Variants in MDH1B observed in about 807,000 individuals in gnomAD.
MDH1B encodes putative malate dehydrogenase 1B.
Under a neutral mutation model 61.4 loss-of-function variants are expected in MDH1B, and 60 were observed. The observed-to-expected ratio is 0.98, with a 90% CI of 0.79 to 1.21. The LOEUF (loss-of-function observed/expected upper bound fraction) is 1.21. Ranked by LOEUF, MDH1B falls within the 50% of genes most tolerant of loss-of-function variation. The probability of loss-of-function intolerance (pLI) is 0.00; values close to 1 mark genes in which losing one functional copy is unlikely to be tolerated. For synonymous variants in MDH1B, 236 were observed against 218.7 expected, an observed-to-expected ratio of 1.08 and a Z score of -0.70; for missense variants, 587 against 632.1, an observed-to-expected ratio of 0.93 and a Z score of 0.76.
At chr2:206,740,300 C>T (rs1276943352) in intron 10 of MDH1B, among the ~76,000 whole-genome samples, 1 of 152,108 alleles carries the variant, frequency 6.6e-6, no homozygotes, top group Non-Finnish European at 1.5e-5. Context: ...GTATCACATA[C>T]TGCATTCTAA....
intron 9 of MDH1B, 173 bp from the exon 10 acceptor site, chr2:206,741,277 C>CA (rs755524281): frequency 8.9e-6 from 7 of 785,678 alleles, no homozygotes; most frequent in Admixed American, 4.7e-5. Flanking sequence ...ATTAATGAAA[C>CA]AAAAAAATAC....
chr2:206,753,586 C>T (rs1466599521), intron 5 of MDH1B, among the ~76,000 whole-genome samples: 1 of 152,186 alleles, frequency 6.6e-6, no homozygotes, highest in Non-Finnish European at 1.5e-5. Context: ...GTTTGCCACC[C>T]TCTTGGCATC....
At position 206,757,367 on chromosome 2, in the gene MDH1B, C is replaced by T. The variant is rs779337572; in HGVS notation, c.140G>A (p.Trp47Ter). Residue 47 changes from tryptophan (W) to a stop codon, truncating the protein, a stop_gained, in exon 3 of 12, where the codon TGG (tryptophan) becomes TAG (stop). Transcript: ENST00000374412. LOFTEE classifies it high-confidence loss of function. ...ITQRPEVWED[W>*]LKDVCEKNKW... ...ATTCTTTTCACACACATCTTTTAGC[C>T]AATCCTGTTGAATGATATCCCAAGT... The T allele has an allele frequency of 6.2e-7, 1 of 1,612,430 alleles. No homozygotes were observed. Among genetic ancestry groups the T allele is most frequent in the Non-Finnish European group, 8.5e-7 (1 of 1,179,650 alleles).
chr2:206,756,476 A>G (rs1257862839), intron 4 of MDH1B: 4 of 163,068 alleles, frequency 2.5e-5, no homozygotes, highest in Non-Finnish European at 5.3e-5. Context: ...GACTGGGAGC[A>G]AAGTGGAGCA....
rs1267626248 is a variant in MDH1B at position 206,745,755 on chromosome 2, C to T, written c.1357-82G>A. ...CTTTTTTTTTTTTTTTTTTTTGAGA[C>T]AGAGTTTCACTCTTGTTGCCCAGGC... On this transcript the variant is annotated intron_variant, in intron 8 of 11. Coordinates refer to ENST00000374412, the MANE Select transcript of MDH1B (RefSeq NM_001039845.3). The T allele has an allele frequency of 1.9e-5, 17 of 885,334 alleles. 1 individual carries two copies. The South Asian group carries it at 2.2e-4, about 11-fold the overall frequency. The allele number at this position is 885,334 out of a possible 1,614,324, so 54.8% of individuals were successfully genotyped here. A position where few individuals can be genotyped will look rare whatever the true frequency, so the allele number is the denominator to read the frequency against.
At chr2:206,757,625 T>C (rs185333724) in intron 2 of MDH1B, among the ~76,000 whole-genome samples, 2 of 152,334 alleles carry the variant, frequency 1.3e-5, no homozygotes, top group Admixed American at 1.3e-4. Flanking sequence ...CTCTTTTTGC[T>C]GAGGAGACCT....
intron 4 of MDH1B, among the ~76,000 whole-genome samples, chr2:206,755,914 A>C (rs1688733336): frequency 6.9e-6 from 1 of 145,924 alleles, no homozygotes. Flanking sequence ...CACAATAATG[A>C]CTTTTTTTTT....
chr2:206,757,296 C>T lies in MDH1B; in HGVS notation c.211G>A (p.Asp71Asn), dbSNP rs1253812245. The T allele has an allele frequency of 7.4e-6, 12 of 1,613,846 alleles. No homozygotes were observed. ...NSPIIWRELL[D>N]RGGKGLLLGG... is the part of the protein sequence containing the mutation. The stretch of plus-strand genomic sequence containing the variant: ...AAAAGCAAACCCTTTCCTCCACGAT[C>T]CAACAGCTCTCTCCAGATGATAGGG... Residue 71 changes from aspartate to asparagine, a missense_variant, in exon 3 of 12, where the codon GAT (aspartate) becomes AAT (asparagine). Transcript: ENST00000374412.
Position 206,747,099 on chromosome 2 carries a change from C to T in MDH1B, c.1217-673G>A, listed in dbSNP as rs190838594. Reference sequence around the variant, plus strand: ...ACAAAATTGTCCCCGTTTCTGGTGCCTCGATCACATAAGAAAATTATTTCT... The same window carrying T: ...ACAAAATTGTCCCCGTTTCTGGTGCTTCGATCACATAAGAAAATTATTTCT... On this transcript the variant is annotated intron_variant, in intron 7 of 11. Coordinates refer to ENST00000374412, the MANE Select transcript of MDH1B (RefSeq NM_001039845.3). Among the ~76,000 whole-genome samples the T allele has an allele frequency of 2.6e-5, 4 of 152,066 alleles. No individual in the cohort carries two copies. In the East Asian group the frequency reaches 5.8e-4, roughly 22 times the overall value.
rs560888236 is a variant in MDH1B, at chr2:206,756,918, G to A, written c.393C>T (p.Pro131=). The change falls in exon 4 of 12, where the codon CCC becomes CCT. Residue 131 remains proline, a synonymous_variant. Coordinates refer to ENST00000374412, the MANE Select transcript of MDH1B (RefSeq NM_001039845.3). ...EEEALKTCIN[P]LQVWITSASA... ...CCCACCTGGTGATCCAGACCTGCAA[G>A]GGGTTGATGCAAGTTTTCAGGGCTT... 107 of 1,614,156 alleles carry A rather than the reference G, an allele frequency of 6.6e-5. No homozygotes were observed. The South Asian group carries it at 1.1e-3, about 17-fold the overall frequency.
chr2:206,741,417 A>G, intron 9 of MDH1B: 1 of 366,162 alleles, frequency 2.7e-6, no homozygotes, highest in Non-Finnish European at 5.2e-6. Context: ...TTAACATTTG[A>G]GTCAGTGGGC....
intron 5 of MDH1B, among the ~76,000 whole-genome samples, chr2:206,754,565 T>C (rs1028606042): frequency 2.0e-5 from 3 of 152,196 alleles, no homozygotes; most frequent in African/African-American, 4.8e-5. Flanking sequence ...TTCTAGGAGA[T>C]AGGCACTGTT....
In MDH1B at chr2:206,739,842, A is replaced by G. The variant is rs148608479; in HGVS notation, c.1460-181T>C. 3.6e-3 allele frequency among the ~76,000 whole-genome samples: 550 copies of G among 152,300 alleles called. 1 individual carries two copies. The highest frequency in any genetic ancestry group is 0.013 in the African/African-American group (523 of 41,562). ...AAGTCTCAACCATTGATGATGACTT[A>G]TCTATGTCCTGAGTGGACAATATGA... On this transcript the variant is annotated intron_variant, in intron 10 of 11. Coordinates refer to ENST00000374412, the MANE Select transcript of MDH1B (RefSeq NM_001039845.3).
intron 1 of MDH1B, among the ~76,000 whole-genome samples, chr2:206,762,825 C>T (rs567654727): frequency 1.3e-5 from 2 of 152,310 alleles, no homozygotes; most frequent in South Asian, 4.1e-4. Flanking sequence ...ACCACTGCCC[C>T]CTTCCAGGCT....
intron 2 of MDH1B, among the ~76,000 whole-genome samples, chr2:206,759,626 A>G (rs1688975214): frequency 6.6e-6 from 1 of 152,212 alleles, no homozygotes; most frequent in African/African-American, 2.4e-5. Flanking sequence ...AATAATAGTC[A>G]TTCTGACGGG....
intron 1 of MDH1B, 128 bp downstream of exon 1, chr2:206,765,122 A>T (rs28365797): frequency 0.22 from 262,694 of 1,213,946 alleles, 36,135 homozygotes; most frequent in East Asian, 0.67. Flanking sequence ...GTCCAGTAAA[A>T]AACTTTGAAT....
chr2:206,738,656 G>A, intron 11 of MDH1B, 145 bp from the exon 12 acceptor site: 1 of 535,698 alleles, frequency 1.9e-6, no homozygotes, highest in Non-Finnish European at 3.3e-6. Flanking sequence ...ATTCTATGGG[G>A]AAATAAAGCC....
intron 8 of MDH1B, among the ~76,000 whole-genome samples, 156 bp downstream of exon 8, chr2:206,746,131 C>G (rs146785459): frequency 2.6e-5 from 4 of 152,094 alleles, no homozygotes; most frequent in African/African-American, 7.2e-5. Flanking sequence ...GAGTAGTGTT[C>G]CTTCACTGAT....
At chr2:206,744,024 T>C (rs1243076510) in intron 9 of MDH1B, among the ~76,000 whole-genome samples, 1 of 152,232 alleles carries the variant, frequency 6.6e-6, no homozygotes, top group Non-Finnish European at 1.5e-5. Flanking sequence ...CCAGGTTCTC[T>C]CCATCTAGAA....
Sources: gnomAD v4.1 joint callset for allele counts (sites outside exome capture counted in the v4.1 genomes callset) on GRCh38, gnomAD v4.1.1 for gene constraint, MANE v1.5 for transcripts, NCBI Gene and HGNC (gene_info 2026-07-23, HGNC 2026-07-21) for gene names.